Variants in CYTH1 observed in about 807,000 individuals in gnomAD.
CYTH1 encodes the protein cytohesin 1, also known as cytohesin-1.
CYTH1 carries 18 observed loss-of-function variants against 61.8 expected under a neutral mutation model. The ratio of observed to expected loss-of-function variants is 0.29; its 90% CI spans 0.20 to 0.43. CYTH1 has a LOEUF of 0.43. CYTH1 is among the 20% of genes least tolerant of loss of function. The probability of loss-of-function intolerance (pLI) is 1.00; values close to 1 mark genes in which losing one functional copy is unlikely to be tolerated. For missense variants in CYTH1, 336 were observed against 510.5 expected, an observed-to-expected ratio of 0.66 and a Z score of 3.29; for synonymous variants, 174 against 184.3, an observed-to-expected ratio of 0.94 and a Z score of 0.45.
rs2093393054 is a variant in CYTH1, at chr17:78,754,445, G to A, written c.22+27757C>T. On this transcript the variant is annotated intron_variant, in intron 1 of 13. Coordinates refer to ENST00000446868, the MANE Select transcript of CYTH1 (RefSeq NM_004762.6). ...TGCAGCCTCAACCTCCCTGGTTTAA[G>A]CAATCCTCCCACCTTAGCCTCCCAA... Among the ~76,000 whole-genome samples the A allele has an allele frequency of 2.0e-5, 3 of 151,784 alleles. 1 individual carries two copies. In the South Asian group the frequency reaches 6.2e-4, roughly 32 times the overall value.
At position 78,709,675 on chromosome 17, in the gene CYTH1, T is replaced by C; in HGVS notation, c.80A>G (p.Lys27Arg). ...RQELENIRRRKQELLADIQRL... is the reference protein window; with the variant it reads ...RQELENIRRRRQELLADIQRL... ...CTGAATGTCAGCCAGCAGCTCCTGT[T>C]TTCTCCGTCGGATGTTCTCCAGTTC... Residue 27 changes from lysine to arginine, a missense_variant, in exon 2 of 14, where the codon AAA becomes AGA. Lys to Arg is a conservative substitution (Grantham distance 26). Transcript: ENST00000446868. 6.2e-7 allele frequency: 1 copy of C among 1,614,224 alleles called. No individual in the cohort carries two copies. Among genetic ancestry groups the C allele is most frequent in the South Asian group, 1.1e-5 (1 of 91,080 alleles).
intron 1 of CYTH1, 66 bp downstream of exon 1, chr17:78,782,136 A>C: frequency 8.1e-7 from 1 of 1,229,030 alleles, no homozygotes; most frequent in Non-Finnish European, 1.0e-6. Flanking sequence ...GCGCTGCCGG[A>C]CGGCCGGGCC....
intron 1 of CYTH1, among the ~76,000 whole-genome samples, chr17:78,754,701 G>A (rs2093393964): frequency 6.6e-6 from 1 of 151,990 alleles, no homozygotes; most frequent in Admixed American, 6.6e-5. Context: ...CATTTAGTTT[G>A]TGACTGAAGT....
chr17:78,769,004 G>C (rs1421410717), intron 1 of CYTH1, among the ~76,000 whole-genome samples: 4 of 152,076 alleles, frequency 2.6e-5, no homozygotes, highest in Non-Finnish European at 5.9e-5. Context: ...AAACTAGCCA[G>C]GTGTGGTGGC....
intron 1 of CYTH1, among the ~76,000 whole-genome samples, chr17:78,726,030 T>C (rs1290247651): frequency 2.0e-5 from 3 of 149,568 alleles, no homozygotes; most frequent in African/African-American, 7.4e-5. Flanking sequence ...CTCAGACTCA[T>C]AATTCAACAG....
At chr17:78,757,291 T>C (rs1476936179) in intron 1 of CYTH1, among the ~76,000 whole-genome samples, 4 of 151,952 alleles carry the variant, frequency 2.6e-5, no homozygotes, top group African/African-American at 9.7e-5. Context: ...CCCTCATCCT[T>C]TGGGGGGATG....
In CYTH1 at chr17:78,749,022, C is replaced by A. The variant is rs544199357; in HGVS notation, c.22+33180G>T. ...TTGCGAGAAGGGCCCAACACACCCACATACTGTGTGAGGCAGAGCAAAGGT... is the reference window on the plus strand; with the variant it reads ...TTGCGAGAAGGGCCCAACACACCCAAATACTGTGTGAGGCAGAGCAAAGGT... On this transcript the variant is annotated intron_variant, in intron 1 of 13. Transcript: ENST00000446868. Among the ~76,000 whole-genome samples the A allele has an allele frequency of 6.6e-5, 10 of 152,318 alleles. No individual in the cohort carries two copies. In the South Asian group the frequency reaches 2.1e-3, roughly 32 times the overall value.
intron 11 of CYTH1, among the ~76,000 whole-genome samples, chr17:78,685,919 C>T (rs1241947712): frequency 6.6e-6 from 1 of 152,220 alleles, no homozygotes; most frequent in African/African-American, 2.4e-5. Flanking sequence ...CTTTTTCCAA[C>T]AGAACGACCA....
intron 11 of CYTH1, among the ~76,000 whole-genome samples, chr17:78,690,514 ATC>A (rs2092873002): frequency 6.7e-6 from 1 of 148,302 alleles, no homozygotes; most frequent in Non-Finnish European, 1.5e-5. Flanking sequence ...ACCCCATCCC[ATC>A]TCTACTTAAA....
chr17:78,767,534 G>T lies in CYTH1; in HGVS notation c.22+14668C>A, dbSNP rs1227883103. Among the ~76,000 whole-genome samples the T allele has an allele frequency of 1.1e-4, 16 of 151,710 alleles. 1 individual carries two copies. Among genetic ancestry groups the T allele is most frequent in the Admixed American group, 1.0e-3 (16 of 15,246 alleles). On this transcript the variant is annotated intron_variant, in intron 1 of 13. Transcript: ENST00000446868. Reference sequence around the variant, plus strand: ...AGAATTTAAAAAGTCTGAACAAACGGATGAATAGATGAACAAATGGATGAA... The same window carrying T: ...AGAATTTAAAAAGTCTGAACAAACGTATGAATAGATGAACAAATGGATGAA...
intron 1 of CYTH1, among the ~76,000 whole-genome samples, chr17:78,711,921 A>G (rs1422365295): frequency 2.6e-5 from 4 of 151,860 alleles, no homozygotes; most frequent in African/African-American, 9.7e-5. Context: ...ACTAAAAAAA[A>G]TACAAAAATT....
chr17:78,729,114 CTT>C (rs1343646921), intron 1 of CYTH1, among the ~76,000 whole-genome samples: 5 of 151,928 alleles, frequency 3.3e-5, no homozygotes. Flanking sequence ...AATTAATTAA[CTT>C]ATTATTTTTA....
chr17:78,735,485 G>C (rs1159773924), intron 1 of CYTH1, among the ~76,000 whole-genome samples: 1 of 152,228 alleles, frequency 6.6e-6, no homozygotes, highest in Non-Finnish European at 1.5e-5. Context: ...CAAGCAGGCA[G>C]TTCAGCCCTG....
At chr17:78,782,099 GTC>G in intron 1 of CYTH1, 101 bp downstream of exon 1, 1 of 1,045,050 alleles carries the variant, frequency 9.6e-7, no homozygotes, top group Non-Finnish European at 1.2e-6. Context: ...CCGCACCAGT[GTC>G]CCCGGGAAAC....
At chr17:78,764,878 G>C (rs2093442186) in intron 1 of CYTH1, among the ~76,000 whole-genome samples, 1 of 152,036 alleles carries the variant, frequency 6.6e-6, no homozygotes, top group Non-Finnish European at 1.5e-5. Flanking sequence ...ACTTCAGCTG[G>C]AGAAGACTGA....
chr17:78,770,367 A>C lies in CYTH1; in HGVS notation c.22+11835T>G, dbSNP rs1378755039. Among the ~76,000 whole-genome samples the C allele has an allele frequency of 6.6e-5, 10 of 151,336 alleles. No homozygotes were observed. The South Asian group carries it at 1.2e-3, about 19-fold the overall frequency. ...AAAGAAAAGAAAAGAAAAAAAAAAA[A>C]ACAAAGAAATCTGTGATATTACTAC... On this transcript the variant is annotated intron_variant, in intron 1 of 13. Coordinates refer to ENST00000446868, the MANE Select transcript of CYTH1 (RefSeq NM_004762.6).
At chr17:78,745,841 G>A (rs989823908) in intron 1 of CYTH1, among the ~76,000 whole-genome samples, 9 of 152,056 alleles carry the variant, frequency 5.9e-5, no homozygotes, top group South Asian at 2.1e-4. Flanking sequence ...GCAGTGAGCC[G>A]ACATTGTGCT....
Position 78,698,849 on chromosome 17 carries a change from C to A in CYTH1, c.670G>T (p.Gly224Trp). The A allele has an allele frequency of 1.3e-6, 2 of 1,595,732 alleles. No individual in the cohort carries two copies. Among genetic ancestry groups the A allele is most frequent in the Non-Finnish European group, 1.7e-6 (2 of 1,174,892 alleles). Residue 224 changes from glycine to tryptophan, a missense_variant, in exon 8 of 14, where the codon GGG (glycine) becomes TGG (tryptophan). Physicochemically the swap from Gly to Trp is radical, Grantham distance 184 (BLOSUM62 -2). Transcript: ENST00000446868. ...AGGAGCTCCTCCGGCAGGTCTCCCC[C>A]ATCATTGATGCCTCGGTTCATGGCA... The part of the protein sequence containing the change: ...FIAMNRGIND[G>W]GDLPEELLRN...
At chr17:78,753,992 G>A (rs546305827) in intron 1 of CYTH1, among the ~76,000 whole-genome samples, 18 of 152,092 alleles carry the variant, frequency 1.2e-4, no homozygotes, top group South Asian at 6.2e-4. Context: ...TCAATCCAGC[G>A]TACTGCAAAC....
Sources: allele counts gnomAD v4.1 joint callset (sites outside exome capture counted in the v4.1 genomes callset), GRCh38; gene constraint gnomAD v4.1.1; transcripts MANE v1.5; gene names NCBI Gene and HGNC (gene_info 2026-07-23, HGNC 2026-07-21).